Variants in SPATA22 observed in about 807,000 individuals in gnomAD.
The protein encoded by SPATA22 is spermatogenesis associated 22.
Under a neutral mutation model 47.8 loss-of-function variants are expected in SPATA22, and 29 were observed. The observed-to-expected ratio is 0.61, with a 90% CI of 0.45 to 0.83. SPATA22 has a LOEUF of 0.83. SPATA22 is among the 40% of genes least tolerant of loss of function. The pLI is 0.00. For synonymous variants in SPATA22, 133 were observed against 140.9 expected (o/e 0.94, Z 0.40); for missense variants, 410 against 421.7 (o/e 0.97, Z 0.24).
At position 3,440,541 on chromosome 17, in the gene SPATA22, T is replaced by C. The variant is rs533749019; in HGVS notation, c.901-203A>G. On this transcript the variant is annotated intron_variant, in intron 8 of 8. Coordinates refer to ENST00000572969, the MANE Select transcript of SPATA22 (RefSeq NM_001170698.2). ...TAACAGAGGAAAGACCCTCACTTGG[T>C]AGGGCTCTTACAAGCTAGCAAGTTG... is the stretch of plus-strand genomic sequence containing the variant. 2.0e-4 allele frequency: 75 copies of C among 379,054 alleles called. No homozygotes were observed. The Middle Eastern group carries it at 5.5e-3, about 28-fold the overall frequency. 23.5% of individuals were successfully genotyped at this position (379,054 alleles called of 1,614,324 possible).
At chr17:3,499,936 C>T (rs1299598743) in intron 1 of SPATA22, 1 of 152,170 alleles carries the variant, frequency 6.6e-6, no homozygotes, top group African/African-American at 2.4e-5. Context: ...GTTGTGAATT[C>T]AAAGAAAAGG....
At chr17:3,440,465 G>A (rs2072574306) in intron 8 of SPATA22, 127 bp from the exon 9 acceptor site, 1 of 686,762 alleles carries the variant, frequency 1.5e-6, no homozygotes, top group Non-Finnish European at 2.3e-6. Context: ...ACGTGAGTCA[G>A]GGCCCCACTG....
chr17:3,512,880 A>C (rs934742481), intron 1 of SPATA22: 3 of 152,322 alleles, frequency 2.0e-5, no homozygotes, highest in Non-Finnish European at 4.4e-5. Context: ...ACTGAGACAT[A>C]CTGAGGTATG....
intron 1 of SPATA22, among the ~76,000 whole-genome samples, chr17:3,479,225 A>G (rs1294686212): frequency 6.6e-6 from 1 of 152,114 alleles, no homozygotes; most frequent in Non-Finnish European, 1.5e-5. Flanking sequence ...TGGGAGCTCA[A>G]CTGCAGGCAT....
chr17:3,507,093 C>T (rs1163130136), intron 1 of SPATA22, among the ~76,000 whole-genome samples: 2 of 151,950 alleles, frequency 1.3e-5, no homozygotes, highest in Admixed American at 1.3e-4. Context: ...TTGGTGGTCA[C>T]AAGTTGAAGG....
At chr17:3,498,964 G>A (rs1597450770) in intron 1 of SPATA22, 1 of 1,614,058 alleles carries the variant, frequency 6.2e-7, no homozygotes, top group Non-Finnish European at 8.5e-7. Flanking sequence ...ATCCCACTGG[G>A]CGGAGACTGT....
chr17:3,511,293 C>G (rs1041494198), intron 1 of SPATA22: 5 of 152,026 alleles, frequency 3.3e-5, no homozygotes, highest in South Asian at 2.1e-4. Flanking sequence ...ATAGTCCTGC[C>G]CCCCAATATA....
At chr17:3,482,456 A>G (rs1308170318) in intron 1 of SPATA22, among the ~76,000 whole-genome samples, 2 of 152,218 alleles carry the variant, frequency 1.3e-5, no homozygotes, top group East Asian at 3.8e-4. Flanking sequence ...TGTGTACTAG[A>G]TAGCCTTCCT....
intron 1 of SPATA22, among the ~76,000 whole-genome samples, chr17:3,484,128 C>T (rs914292888): frequency 2.1e-4 from 32 of 152,160 alleles, no homozygotes; most frequent in Admixed American, 2.0e-4. Flanking sequence ...AATGCTTGGC[C>T]CTTCTATTTA....
upstream of SPATA22, among the ~76,000 whole-genome samples, chr17:3,472,709 A>G (rs1038397697): frequency 6.6e-6 from 1 of 152,182 alleles, no homozygotes; most frequent in Non-Finnish European, 1.5e-5. Flanking sequence ...TCTTCTAACC[A>G]TTTGAAGACT....
intron 2 of SPATA22, among the ~76,000 whole-genome samples, chr17:3,467,891 G>A (rs2073350454): frequency 6.6e-6 from 1 of 151,708 alleles, no homozygotes; most frequent in African/African-American, 2.4e-5. Context: ...CATATCGACT[G>A]CAGGGGACCT....
chr17:3,452,621 A>AT (rs1363660522), intron 5 of SPATA22, among the ~76,000 whole-genome samples: 1 of 152,046 alleles, frequency 6.6e-6, no homozygotes, highest in Non-Finnish European at 1.5e-5. Context: ...CTAAGAGCTT[A>AT]TTTTTTTGAA....
chr17:3,454,346 A>T (rs544936669), intron 5 of SPATA22, among the ~76,000 whole-genome samples: 1 of 151,892 alleles, frequency 6.6e-6, no homozygotes, highest in South Asian at 2.1e-4. Context: ...CATGTGCACA[A>T]TGTGCAGGTT....
intron 1 of SPATA22, among the ~76,000 whole-genome samples, chr17:3,504,884 C>G (rs2074027426): frequency 1.3e-5 from 2 of 152,222 alleles, no homozygotes; most frequent in Non-Finnish European, 2.9e-5. Context: ...TCACACTCAA[C>G]AATTCCCCTG....
chr17:3,462,452 A>G (rs2073144278), intron 5 of SPATA22, 31 bp downstream of exon 5: 3 of 1,438,112 alleles, frequency 2.1e-6, no homozygotes, highest in Non-Finnish European at 2.9e-6. Flanking sequence ...GAGAAGGAAT[A>G]GAAGAAGAAA....
Position 3,490,544 on chromosome 17 carries a change from C to A in SPATA22, c.-73-21146G>T, listed in dbSNP as rs1020613750. Among the ~76,000 whole-genome samples the A allele has an allele frequency of 6.6e-6, 1 of 150,842 alleles. No homozygotes were observed. The highest frequency in any genetic ancestry group is 6.6e-5 in the Admixed American group (1 of 15,170). On this transcript the variant is annotated intron_variant, in intron 1 of 8. Coordinates refer to the SPATA22 transcript ENST00000541913. The surrounding 1 kb of genome is among the most constrained non-coding windows in gnomAD (Gnocchi z 4.6). ...ATTCCTCAACCTCAGATCGTGCGCACCCCACTGCAATCACAGACATTCGTT... is the reference window on the plus strand; with the variant it reads ...ATTCCTCAACCTCAGATCGTGCGCAACCCACTGCAATCACAGACATTCGTT...
exon 1 of SPATA22, chr17:3,513,750 C>A (rs1394801182): frequency 3.7e-6 from 2 of 540,904 alleles, no homozygotes; most frequent in African/African-American, 1.9e-5. Context: ...AAATTGACAA[C>A]TGCCCCTCAG....
At chr17:3,508,872 C>A in intron 1 of SPATA22, among the ~76,000 whole-genome samples, 2 of 124,606 alleles carry the variant, frequency 1.6e-5, no homozygotes, top group African/African-American at 3.2e-5. Flanking sequence ...GCACATCGTA[C>A]ACATGTACCC....
chr17:3,459,609 T>C (rs2073081165), intron 5 of SPATA22, among the ~76,000 whole-genome samples: 1 of 152,180 alleles, frequency 6.6e-6, no homozygotes, highest in Non-Finnish European at 1.5e-5. Flanking sequence ...GGTTTCCCCA[T>C]GTTGGCCAGG....
Sources: allele counts gnomAD v4.1 joint callset (sites outside exome capture counted in the v4.1 genomes callset), GRCh38; gene constraint gnomAD v4.1.1; non-coding constraint Gnocchi (gnomAD v3.1); transcripts MANE v1.5; gene names NCBI Gene and HGNC (gene_info 2026-07-23, HGNC 2026-07-21).